The following RETREG1 variants were observed in gnomAD, a reference collection of about 807,000 sequenced individuals.
RETREG1 encodes family with sequence similarity 134 member B.
RETREG1 carries 44 observed loss-of-function variants against 54.8 expected under a neutral mutation model. The ratio of observed to expected loss-of-function variants is 0.80; its 90% CI spans 0.63 to 1.03. The LOEUF (loss-of-function observed/expected upper bound fraction) is 1.03, where lower values mean the gene tolerates loss of function less well. Ranked by LOEUF, RETREG1 falls within the 50% of genes least tolerant of loss-of-function variation. The pLI is 0.00. For synonymous variants in RETREG1, 217 were observed against 238.5 expected, an observed-to-expected ratio of 0.91 and a Z score of 0.83; for missense variants, 554 against 605.1, an observed-to-expected ratio of 0.92 and a Z score of 0.89.
chr5:16,578,244 C>G (rs1254754128), intron 1 of RETREG1, among the ~76,000 whole-genome samples: 4 of 152,130 alleles, frequency 2.6e-5, no homozygotes, highest in African/African-American at 9.7e-5. Context: ...ACTCAACTTT[C>G]TAACAAAACT....
rs933316013 is a variant in RETREG1, at chr5:16,489,118, A to T, written c.459-5646T>A. Among the ~76,000 whole-genome samples the T allele has an allele frequency of 2.2e-5, 3 of 135,498 alleles. No homozygotes were observed. The Admixed American group carries it at 2.3e-4, about 10-fold the overall frequency. The allele number at this position is 135,498 out of a possible 152,430, so 88.9% of individuals were successfully genotyped here. Reference sequence around the variant, plus strand: ...AAAAAAAAAAAAAAAAAAAAAAAGCAGACCTTAAAAGGATCAAACTGATTT... The same window carrying T: ...AAAAAAAAAAAAAAAAAAAAAAAGCTGACCTTAAAAGGATCAAACTGATTT... On this transcript the variant is annotated intron_variant, in intron 3 of 8. Transcript: ENST00000306320.
chr5:16,494,685 C>T (rs1054688027), intron 3 of RETREG1, among the ~76,000 whole-genome samples: 1 of 152,130 alleles, frequency 6.6e-6, no homozygotes, highest in African/African-American at 2.4e-5. Context: ...AACCATGAGC[C>T]AATTAAAACT....
intron 3 of RETREG1, among the ~76,000 whole-genome samples, chr5:16,523,001 G>C (rs1375527312): frequency 1.3e-5 from 2 of 149,734 alleles, no homozygotes; most frequent in African/African-American, 4.9e-5. Context: ...GTCTCCAAAA[G>C]AAAAAAGAAG....
chr5:16,599,261 G>A (rs1243675039), intron 1 of RETREG1, among the ~76,000 whole-genome samples: 1 of 152,286 alleles, frequency 6.6e-6, no homozygotes, highest in Admixed American at 6.5e-5. Context: ...ATGCTGTAAT[G>A]AAATGCCATT....
chr5:16,607,184 T>G (rs1257549640), intron 1 of RETREG1, among the ~76,000 whole-genome samples: 4 of 152,156 alleles, frequency 2.6e-5, no homozygotes, highest in Non-Finnish European at 5.9e-5. Context: ...ACATCCGGCC[T>G]TTTCTGGCAT....
At chr5:16,497,882 C>T (rs1739532465) in intron 3 of RETREG1, among the ~76,000 whole-genome samples, 1 of 152,188 alleles carries the variant, frequency 6.6e-6, no homozygotes. Flanking sequence ...TGGGACACAA[C>T]AGCTTCCAAT....
At chr5:16,568,016 C>T (rs1352780144) in intron 2 of RETREG1, among the ~76,000 whole-genome samples, 1 of 152,068 alleles carries the variant, frequency 6.6e-6, no homozygotes, top group East Asian at 1.9e-4. Context: ...ATGACTGGTT[C>T]TATCTCAATG....
intron 3 of RETREG1, among the ~76,000 whole-genome samples, chr5:16,528,313 A>T (rs1740785980): frequency 6.6e-6 from 1 of 152,148 alleles, no homozygotes; most frequent in Admixed American, 6.5e-5. Flanking sequence ...ATTAACAGTG[A>T]TTTTACAGAG....
Position 16,492,229 on chromosome 5 carries a change from T to TCTCTCACACA in RETREG1, c.459-8758_459-8757insTGTGTGAGAG, listed in dbSNP as rs1406702350. On this transcript the variant is annotated intron_variant, in intron 3 of 8. Coordinates refer to ENST00000306320, the MANE Select transcript of RETREG1 (RefSeq NM_001034850.3). ...CTCTCTCTCTCTCTCTCTCTCTCTC[T>TCTCTCACACA]CACACACACACACACACACACACCA... is the stretch of plus-strand genomic sequence containing the variant. Among the ~76,000 whole-genome samples, 540 of 110,632 alleles carry TCTCTCACACA rather than the reference T, an allele frequency of 4.9e-3. 1 individual carries two copies. Among genetic ancestry groups the TCTCTCACACA allele is most frequent in the Middle Eastern group, 9.2e-3 (2 of 218 alleles). 72.6% of individuals were successfully genotyped at this position (110,632 alleles called of 152,430 possible). A position where few individuals can be genotyped will look rare whatever the true frequency, so the allele number is the denominator to read the frequency against.
chr5:16,493,785 GT>G (rs1739342427), intron 3 of RETREG1, among the ~76,000 whole-genome samples: 1 of 151,942 alleles, frequency 6.6e-6, no homozygotes, highest in South Asian at 2.1e-4. Context: ...TAACAATATT[GT>G]TCCTAATTTT....
intron 3 of RETREG1, among the ~76,000 whole-genome samples, chr5:16,528,062 G>A (rs979329475): frequency 3.3e-5 from 5 of 151,938 alleles, no homozygotes; most frequent in East Asian, 1.9e-4. Context: ...GCCTGCCTCG[G>A]CCTCCCAAAA....
intron 3 of RETREG1, among the ~76,000 whole-genome samples, chr5:16,503,590 C>G (rs1739810927): frequency 6.6e-6 from 1 of 150,744 alleles, no homozygotes; most frequent in African/African-American, 2.4e-5. Flanking sequence ...ACTGCTTGAA[C>G]CCGGGAGGCA....
Position 16,474,707 on chromosome 5 carries a change from G to GTTTTTTTTTTTT in RETREG1, c.*33_*34insAAAAAAAAAAAA. On this transcript the variant is annotated 3_prime_UTR_variant, in exon 9 of 9. Coordinates refer to ENST00000306320, the MANE Select transcript of RETREG1 (RefSeq NM_001034850.3). ...TTTTCTTGTTTGAAATTTTTTTGGTGTTTTTTGTGCTCTGTTGCAAGCTGA... is the reference window on the plus strand; with the variant it reads ...TTTTCTTGTTTGAAATTTTTTTGGTGTTTTTTTTTTTTTTTTTTGTGCTCTGTTGCAAGCTGA... The GTTTTTTTTTTTT allele has an allele frequency of 1.5e-6, 2 of 1,372,064 alleles. No individual in the cohort carries two copies. The highest frequency in any genetic ancestry group is 9.6e-7 in the Non-Finnish European group (1 of 1,045,986). The allele number at this position is 1,372,064 out of a possible 1,614,324, so 85.0% of individuals were successfully genotyped here.
In RETREG1 at chr5:16,474,563, A is replaced by G. The variant is rs531018578; in HGVS notation, c.*178T>C. ...ACAAAAATAACGATCAGAAATATCA[A>G]TCTATCAGTGTCAGCTGATATATAT... On this transcript the variant is annotated 3_prime_UTR_variant, in exon 9 of 9. Coordinates refer to ENST00000306320, the MANE Select transcript of RETREG1 (RefSeq NM_001034850.3). 7.2e-6 allele frequency: 5 copies of G among 696,800 alleles called. No homozygotes were observed. The highest frequency in any genetic ancestry group is 5.9e-5 in the South Asian group (3 of 51,178). The allele number at this position is 696,800 out of a possible 1,614,324, so 43.2% of individuals were successfully genotyped here. A position where few individuals can be genotyped will look rare whatever the true frequency, so the allele number is the denominator to read the frequency against.
At position 16,475,222 on chromosome 5, in the gene RETREG1, G is replaced by A. The variant is rs886060395; in HGVS notation, c.1013C>T (p.Pro338Leu). The A allele has an allele frequency of 6.2e-6, 10 of 1,612,046 alleles. No homozygotes were observed. Among genetic ancestry groups the A allele is most frequent in the South Asian group, 3.3e-5 (3 of 91,070 alleles). The change falls in exon 9 of 9, where the codon CCC becomes CTC. Residue 338 changes from proline to leucine, a missense_variant. Coordinates refer to ENST00000306320, the MANE Select transcript of RETREG1 (RefSeq NM_001034850.3). ...QTDTSDDLDR[P>L]SEEVFSRDLS... is the part of the protein sequence containing the mutation. The stretch of plus-strand genomic sequence containing the variant: ...ATCTCTAGAGAAAACTTCCTCACTG[G>A]GTCGGTCAAGATCTGTGAAATGGAT...
chr5:16,558,003 G>T (rs190886186), intron 3 of RETREG1, among the ~76,000 whole-genome samples: 1 of 151,490 alleles, frequency 6.6e-6, no homozygotes, highest in African/African-American at 2.4e-5. Flanking sequence ...CAGTGGGCTT[G>T]TTATAAAAGT....
intron 3 of RETREG1, among the ~76,000 whole-genome samples, chr5:16,492,229 T>TCTCTCTCTCTCTCACACA (rs1406702350): frequency 1.8e-5 from 2 of 110,568 alleles, no homozygotes; most frequent in Admixed American, 1.1e-4. Context: ...TCTCTCTCTC[T>TCTCTCTCTCTCTCACACA]CACACACACA....
intron 3 of RETREG1, among the ~76,000 whole-genome samples, chr5:16,542,298 C>T (rs140509500): frequency 6.6e-6 from 1 of 152,364 alleles, no homozygotes; most frequent in African/African-American, 2.4e-5. Flanking sequence ...AACAATACCT[C>T]ACCTGACTTC....
chr5:16,550,680 G>A (rs947820520), intron 3 of RETREG1, among the ~76,000 whole-genome samples: 23 of 152,244 alleles, frequency 1.5e-4, no homozygotes, highest in African/African-American at 4.6e-4. Flanking sequence ...AAATAAAACC[G>A]AGCTGCTCCC....
Sources: allele counts gnomAD v4.1 joint callset (sites outside exome capture counted in the v4.1 genomes callset), GRCh38; gene constraint gnomAD v4.1.1; transcripts MANE v1.5; gene names NCBI Gene and HGNC (gene_info 2026-07-23, HGNC 2026-07-21).